The following SREK1IP1 variants were observed in gnomAD, a reference collection of about 807,000 sequenced individuals.
SREK1IP1 encodes the protein protein SREK1IP1.
A neutral mutation model predicts 22.8 loss-of-function variants in SREK1IP1; 12 were observed. The observed-to-expected ratio is 0.53, with a 90% confidence interval of 0.34 to 0.85. SREK1IP1 has a LOEUF of 0.85. Among genes scored for constraint, SREK1IP1 ranks in the 40% least tolerant of loss-of-function variants. SREK1IP1 has a pLI of 0.02. For missense variants in SREK1IP1, 147 were observed against 171.8 expected (o/e 0.86, Z 0.81); for synonymous variants, 53 against 52.7 (o/e 1.01, Z -0.02).
At chr5:64,755,219 CA>C (rs138859399) in intron 1 of SREK1IP1, among the ~76,000 whole-genome samples, 9,500 of 142,696 alleles carry the variant, frequency 0.067, 913 homozygotes, top group African/African-American at 0.22. Context: ...GGTATATATC[CA>C]AAAAAAAAAA....
chr5:64,735,074 T>A (rs10066236), intron 3 of SREK1IP1, among the ~76,000 whole-genome samples: 49,829 of 151,774 alleles, frequency 0.33, 8,566 homozygotes, highest in East Asian at 0.51. Flanking sequence ...TTAATGAAGT[T>A]CTCTTCTATT....
At chr5:64,731,076 G>A (rs1742370491) in intron 3 of SREK1IP1, among the ~76,000 whole-genome samples, 1 of 152,122 alleles carries the variant, frequency 6.6e-6, no homozygotes, top group African/African-American at 2.4e-5. Context: ...TACAGTGTAT[G>A]CCATTAATTT....
At chr5:64,741,928 A>C (rs924014093) in intron 2 of SREK1IP1, among the ~76,000 whole-genome samples, 1 of 152,040 alleles carries the variant, frequency 6.6e-6, no homozygotes, top group Non-Finnish European at 1.5e-5. Context: ...CTGTGCGCAC[A>C]CACACACACA....
At chr5:64,737,507 CA>C (rs34983078) in intron 3 of SREK1IP1, among the ~76,000 whole-genome samples, 12,528 of 94,962 alleles carry the variant, frequency 0.13, 1,556 homozygotes, top group African/African-American at 0.37. Context: ...TTCATACTGT[CA>C]AAAAAAAAAA....
chr5:64,731,256 GAA>G (rs1742372698), intron 3 of SREK1IP1, among the ~76,000 whole-genome samples: 1 of 151,994 alleles, frequency 6.6e-6, no homozygotes, highest in South Asian at 2.1e-4. Context: ...GACTTGAGAT[GAA>G]AAATAAGACA....
chr5:64,749,106 T>TAATAAA (rs1554065302), intron 2 of SREK1IP1, among the ~76,000 whole-genome samples: 7 of 141,004 alleles, frequency 5.0e-5, no homozygotes, highest in African/African-American at 8.0e-5. Flanking sequence ...ATAATAATAA[T>TAATAAA]AAAAACCCTC....
intron 3 of SREK1IP1, among the ~76,000 whole-genome samples, chr5:64,739,200 T>C (rs751196866): frequency 2.6e-5 from 4 of 152,190 alleles, no homozygotes; most frequent in Non-Finnish European, 5.9e-5. Flanking sequence ...GGGACTCATT[T>C]GAGTGAAGTA....
intron 3 of SREK1IP1, among the ~76,000 whole-genome samples, chr5:64,728,722 T>C (rs1429148482): frequency 6.6e-6 from 1 of 152,184 alleles, no homozygotes; most frequent in Non-Finnish European, 1.5e-5. Context: ...GCAGCTTTTT[T>C]TTCACTTAAC....
In SREK1IP1 at chr5:64,728,489, A is replaced by G. The variant is rs564894172; in HGVS notation, c.206-310T>C. On this transcript the variant is annotated intron_variant, in intron 3 of 4. Coordinates refer to ENST00000513458, the MANE Select transcript of SREK1IP1 (RefSeq NM_173829.4). ...TTGTTTGGCCCTTAAAAAGCAGAAC[A>G]CTACAACAGTGCACAGTTTTAAAAT... Among the ~76,000 whole-genome samples, 3 of 152,322 alleles carry G rather than the reference A, an allele frequency of 2.0e-5. No homozygotes were observed. In the East Asian group the frequency reaches 5.8e-4, roughly 29 times the overall value.
intron 4 of SREK1IP1, among the ~76,000 whole-genome samples, chr5:64,725,842 T>G (rs1426690879): frequency 3.4e-5 from 4 of 116,210 alleles, no homozygotes; most frequent in Middle Eastern, 3.8e-3. Context: ...GGTCCTGAAG[T>G]TTTTTTTTTT....
chr5:64,720,349 G>A lies in SREK1IP1; in HGVS notation c.*4035C>T, dbSNP rs1282870922. 1.3e-5 allele frequency: 2 copies of A among 152,062 alleles called. No homozygotes were observed. The highest frequency in any genetic ancestry group is 4.8e-5 in the African/African-American group (2 of 41,380). The allele number at this position is 152,062 out of a possible 1,614,324, so 9.4% of individuals were successfully genotyped here. A position where few individuals can be genotyped will look rare whatever the true frequency, so the allele number is the denominator to read the frequency against. Reference sequence around the variant, plus strand: ...AATTTTTGGAAATAATAATGAGACTGTAGAAAGAAATGTGAGTCTAATAAT... The same window carrying A: ...AATTTTTGGAAATAATAATGAGACTATAGAAAGAAATGTGAGTCTAATAAT... On this transcript the variant is annotated 3_prime_UTR_variant, in exon 5 of 5. Transcript: ENST00000513458.
chr5:64,737,895 A>G (rs139840076), intron 3 of SREK1IP1, among the ~76,000 whole-genome samples: 1 of 152,338 alleles, frequency 6.6e-6, no homozygotes, highest in African/African-American at 2.4e-5. Context: ...AATCGAAAAT[A>G]GGAACAGACC....
rs1195586796 is a variant in SREK1IP1, at chr5:64,720,964, C to T, written c.*3420G>A. On this transcript the variant is annotated 3_prime_UTR_variant, in exon 5 of 5. Coordinates refer to ENST00000513458, the MANE Select transcript of SREK1IP1 (RefSeq NM_173829.4). The stretch of plus-strand genomic sequence containing the variant: ...CCTCGCCTATGATACACCAGCAACA[C>T]CAGATTGCTTGTAATTCTTGACAAA... 1 of 152,218 alleles carries T rather than the reference C, an allele frequency of 6.6e-6. No homozygotes were observed. Among genetic ancestry groups the T allele is most frequent in the Non-Finnish European group, 1.5e-5 (1 of 68,052 alleles). 9.4% of individuals were successfully genotyped at this position (152,218 alleles called of 1,614,324 possible).
In SREK1IP1 at chr5:64,719,360, T is replaced by C. The variant is rs889013751; in HGVS notation, c.*5024A>G. On this transcript the variant is annotated 3_prime_UTR_variant, in exon 5 of 5. Transcript: ENST00000513458. The stretch of plus-strand genomic sequence containing the variant: ...AAATACTAAAATTGCTTAAAGTATA[T>C]GTTAAGTTTGAAAATTAAGACATTT... 6.6e-6 allele frequency: 1 copy of C among 152,172 alleles called. No homozygotes were observed. The highest frequency in any genetic ancestry group is 6.5e-5 in the Admixed American group (1 of 15,278). 9.4% of individuals were successfully genotyped at this position (152,172 alleles called of 1,614,324 possible). A position where few individuals can be genotyped will look rare whatever the true frequency, so the allele number is the denominator to read the frequency against.
At chr5:64,741,270 G>C in intron 2 of SREK1IP1, 70 bp from the exon 3 acceptor site, 11 of 1,420,472 alleles carry the variant, frequency 7.7e-6, no homozygotes, top group Non-Finnish European at 1.1e-5. Flanking sequence ...TGTATGTTTT[G>C]CTGCCTCACG....
At chr5:64,756,459 T>G (rs185338870) in intron 1 of SREK1IP1, among the ~76,000 whole-genome samples, 64 of 152,332 alleles carry the variant, frequency 4.2e-4, no homozygotes, top group African/African-American at 1.5e-3. Flanking sequence ...CAGAATGTTT[T>G]CAAAGTTCAT....
At position 64,768,581 on chromosome 5, in the gene SREK1IP1, T is replaced by C; in HGVS notation, c.-64A>G. 2 of 1,612,690 alleles carry C rather than the reference T, an allele frequency of 1.2e-6. No homozygotes were observed. The highest frequency in any genetic ancestry group is 1.7e-4 in the Middle Eastern group (1 of 6,028). On this transcript the variant is annotated 5_prime_UTR_variant, in exon 1 of 5. Transcript: ENST00000513458. Reference sequence around the variant, plus strand: ...GAAAAGGCGCTTGCTTCCCGCCAGCTGTGAGAACAAGGCACAGTCAAAGCG... The same window carrying C: ...GAAAAGGCGCTTGCTTCCCGCCAGCCGTGAGAACAAGGCACAGTCAAAGCG...
intron 2 of SREK1IP1, among the ~76,000 whole-genome samples, chr5:64,752,995 G>T (rs1304047134): frequency 6.6e-6 from 1 of 152,102 alleles, no homozygotes; most frequent in African/African-American, 2.4e-5. Flanking sequence ...ACTAAATACG[G>T]AAATATTGAC....
intron 2 of SREK1IP1, among the ~76,000 whole-genome samples, chr5:64,744,640 T>C (rs903509162): frequency 6.6e-6 from 1 of 152,244 alleles, no homozygotes; most frequent in South Asian, 2.1e-4. Flanking sequence ...TATGTGTTTT[T>C]TCCTTGTCCC....
Sources: allele counts gnomAD v4.1 joint callset (sites outside exome capture counted in the v4.1 genomes callset), GRCh38; gene constraint gnomAD v4.1.1; transcripts MANE v1.5; gene names NCBI Gene and HGNC (gene_info 2026-07-23, HGNC 2026-07-21).